NKAIN3: variants seen among roughly 807,000 people sequenced by gnomAD.
The protein encoded by NKAIN3 is sodium/potassium-transporting ATPase subunit beta-1-interacting protein 3.
NKAIN3 carries 25 observed loss-of-function variants against 30.2 expected under a neutral mutation model. That is an observed-to-expected ratio of 0.83 (90% CI 0.60 to 1.16). The LOEUF (loss-of-function observed/expected upper bound fraction) is 1.16, where lower values mean the gene tolerates loss of function less well. Ranked by LOEUF, NKAIN3 falls within the 50% of genes most tolerant of loss-of-function variation. The pLI, the probability that NKAIN3 is intolerant of heterozygous loss-of-function variation, is 0.00. For missense variants in NKAIN3, 225 were observed against 254.1 expected, an observed-to-expected ratio of 0.89 and a Z score of 0.78; for synonymous variants, 91 against 89.6, an observed-to-expected ratio of 1.02 and a Z score of -0.09.
intron 1 of NKAIN3, among the ~76,000 whole-genome samples, chr8:62,351,647 CCT>C (rs1816183844): frequency 6.6e-6 from 1 of 151,950 alleles, no homozygotes; most frequent in Non-Finnish European, 1.5e-5. Flanking sequence ...CTTCACTACA[CCT>C]CAGGTATTTT....
At chr8:62,579,837 T>C (rs1291217834) in intron 2 of NKAIN3, among the ~76,000 whole-genome samples, 161 bp downstream of exon 2, 1 of 152,142 alleles carries the variant, frequency 6.6e-6, no homozygotes, top group Non-Finnish European at 1.5e-5. Context: ...CTGTGGAAAA[T>C]ACAAAATAAT....
chr8:62,381,497 C>CAT (rs750298049), intron 1 of NKAIN3, among the ~76,000 whole-genome samples: 49 of 151,766 alleles, frequency 3.2e-4, no homozygotes, highest in African/African-American at 5.1e-4. Context: ...TTCTGATATA[C>CAT]ATATATATAT....
At position 62,860,250 on chromosome 8, in the gene NKAIN3, C is replaced by T. The variant is rs142671628; in HGVS notation, c.472-58203C>T. On this transcript the variant is annotated intron_variant, in intron 4 of 6. Coordinates refer to ENST00000623646, the MANE Select transcript of NKAIN3 (RefSeq NM_001304533.3). ...CACATGGTATGGTAGCAGCAGATGCCGTAAGGAATAAGGGCAGCATCTGAG... is the reference window on the plus strand; with the variant it reads ...CACATGGTATGGTAGCAGCAGATGCTGTAAGGAATAAGGGCAGCATCTGAG... Among the ~76,000 whole-genome samples, 308 of 152,202 alleles carry T rather than the reference C, an allele frequency of 2.0e-3. 2 individuals carry two copies. The highest frequency in any genetic ancestry group is 7.1e-3 in the African/African-American group (296 of 41,546).
rs1812367754 is a variant in NKAIN3, at chr8:62,259,572, CA to C, written c.54+10448del. 2.6e-5 allele frequency among the ~76,000 whole-genome samples: 4 copies of C among 152,064 alleles called. No individual in the cohort carries two copies. In the South Asian group the frequency reaches 6.2e-4, roughly 24 times the overall value. On this transcript the variant is annotated intron_variant, in intron 1 of 6. Coordinates refer to ENST00000623646, the MANE Select transcript of NKAIN3 (RefSeq NM_001304533.3). ...TAGTACAAGCAAATGACATATAGCA[CA>C]AACTATCTAATTTACATTTTTAATG...
chr8:62,702,206 G>T (rs989062732), intron 3 of NKAIN3, among the ~76,000 whole-genome samples: 1 of 152,056 alleles, frequency 6.6e-6, no homozygotes, highest in Non-Finnish European at 1.5e-5. Context: ...TTCTACAGTG[G>T]CATATGCTCA....
At chr8:62,464,800 C>T (rs1806106607) in intron 1 of NKAIN3, among the ~76,000 whole-genome samples, 1 of 152,010 alleles carries the variant, frequency 6.6e-6, no homozygotes, top group South Asian at 2.1e-4. Context: ...ATTTCACAGG[C>T]CTAAATGTAT....
At chr8:62,908,311 G>A (rs1166512685) in intron 4 of NKAIN3, among the ~76,000 whole-genome samples, 2 of 152,130 alleles carry the variant, frequency 1.3e-5, no homozygotes, top group Non-Finnish European at 2.9e-5. Flanking sequence ...CTCATAGGTG[G>A]AAGGGACTTG....
At chr8:62,297,514 A>G (rs1200176106) in intron 1 of NKAIN3, among the ~76,000 whole-genome samples, 1 of 152,146 alleles carries the variant, frequency 6.6e-6, no homozygotes, top group African/African-American at 2.4e-5. Context: ...TGGGCGAAGG[A>G]CATGAACAGA....
Position 62,981,750 on chromosome 8 carries a change from G to GAAAAAAAAAA in NKAIN3, c.*16350_*16359dup. 9.3e-6 allele frequency: 1 copy of GAAAAAAAAAA among 107,446 alleles called. No homozygotes were observed. Among genetic ancestry groups the GAAAAAAAAAA allele is most frequent in the Non-Finnish European group, 2.0e-5 (1 of 49,850 alleles). 6.7% of individuals were successfully genotyped at this position (107,446 alleles called of 1,614,324 possible). ...TGTATCCACAACAGAACTAAGGACCGAAAAAAAAAAAAAAAAGATCTCTAT... is the reference window on the plus strand; with the variant it reads ...TGTATCCACAACAGAACTAAGGACCGAAAAAAAAAAAAAAAAAAAAAAAAAAGATCTCTAT... On this transcript the variant is annotated 3_prime_UTR_variant, in exon 7 of 7. Transcript: ENST00000623646.
intron 5 of NKAIN3, among the ~76,000 whole-genome samples, chr8:62,992,962 A>T (rs1256125191): frequency 6.6e-6 from 1 of 152,138 alleles, no homozygotes; most frequent in African/African-American, 2.4e-5. Flanking sequence ...TTTCTTGAGT[A>T]CCTCACCTCC....
At chr8:62,906,321 G>T (rs920121460) in intron 4 of NKAIN3, among the ~76,000 whole-genome samples, 2 of 150,914 alleles carry the variant, frequency 1.3e-5, no homozygotes, top group Non-Finnish European at 1.5e-5. Context: ...ACTGAAATAC[G>T]TTACATATAG....
At chr8:62,302,253 C>T (rs116374155) in intron 1 of NKAIN3, among the ~76,000 whole-genome samples, 215 of 152,132 alleles carry the variant, frequency 1.4e-3, no homozygotes, top group African/African-American at 4.9e-3. Flanking sequence ...TGTATACTTG[C>T]TCATTAATCT....
rs368162480 is a variant in NKAIN3, at chr8:62,868,841, C to T, written c.472-49612C>T. On this transcript the variant is annotated intron_variant, in intron 4 of 6. Transcript: ENST00000623646. ...CATGCCTAGTATTTCCATAATCTGC[C>T]GATAGACTGCAAGTGATGGATCTAC... 1.4e-3 allele frequency among the ~76,000 whole-genome samples: 207 copies of T among 152,172 alleles called. 7 individuals are homozygous for T. The South Asian group carries it at 0.042, about 31-fold the overall frequency.
intron 5 of NKAIN3, among the ~76,000 whole-genome samples, chr8:62,999,080 T>G (rs767305787): frequency 7.9e-5 from 12 of 152,238 alleles, no homozygotes; most frequent in Non-Finnish European, 5.9e-5. Flanking sequence ...CTTTTCTTGT[T>G]GACTTGTTTG....
intron 3 of NKAIN3, among the ~76,000 whole-genome samples, chr8:62,624,260 A>T (rs1322109418): frequency 6.6e-6 from 1 of 152,006 alleles, no homozygotes; most frequent in Non-Finnish European, 1.5e-5. Flanking sequence ...ATCTGTGAGT[A>T]AGAATGCCTA....
chr8:62,516,000 T>C (rs1807973139), intron 1 of NKAIN3, among the ~76,000 whole-genome samples: 2 of 152,256 alleles, frequency 1.3e-5, no homozygotes, highest in Admixed American at 6.5e-5. Context: ...GTGATCTGTC[T>C]GTCAACTTTG....
At chr8:62,876,722 C>G (rs1461636653) in intron 4 of NKAIN3, among the ~76,000 whole-genome samples, 2 of 151,998 alleles carry the variant, frequency 1.3e-5, no homozygotes, top group Non-Finnish European at 2.9e-5. Flanking sequence ...AACAGAAAAC[C>G]AAACACCCCA....
chr8:62,442,196 C>A (rs1220239879), intron 1 of NKAIN3, among the ~76,000 whole-genome samples: 1 of 151,860 alleles, frequency 6.6e-6, no homozygotes, highest in Non-Finnish European at 1.5e-5. Flanking sequence ...TCCTTGAAAG[C>A]TTGCTAGAAT....
chr8:62,495,626 T>C (rs1807215143), intron 1 of NKAIN3, among the ~76,000 whole-genome samples: 1 of 151,456 alleles, frequency 6.6e-6, no homozygotes, highest in African/African-American at 2.4e-5. Flanking sequence ...AATAAAGATG[T>C]TTAATAAATA....
Sources: allele counts gnomAD v4.1 joint callset (sites outside exome capture counted in the v4.1 genomes callset), GRCh38; gene constraint gnomAD v4.1.1; transcripts MANE v1.5; gene names NCBI Gene and HGNC (gene_info 2026-07-23, HGNC 2026-07-21).